The following TLN2 variants were observed in gnomAD, a reference collection of about 807,000 sequenced individuals.
TLN2 encodes talin-2.
In TLN2, 118 loss-of-function variants were observed where a neutral mutation model predicts 294.7. That is an observed-to-expected ratio of 0.40 (90% CI 0.34 to 0.47). TLN2 has a LOEUF of 0.47. TLN2 is among the 20% of genes least tolerant of loss of function. The pLI is 0.84. For synonymous variants in TLN2, 1,431 were observed against 1,304.5 expected, an observed-to-expected ratio of 1.10 and a Z score of -2.09; for missense variants, 3,083 against 3,282.2, an observed-to-expected ratio of 0.94 and a Z score of 1.48.
intron 43 of TLN2, 145 bp downstream of exon 43, chr15:62,777,055 T>C (rs1385185707): frequency 3.0e-6 from 2 of 677,100 alleles, no homozygotes; most frequent in Non-Finnish European, 4.3e-6. Flanking sequence ...TCCAGTCACA[T>C]GTCCAACATA....
chr15:62,750,483 A>G lies in TLN2; in HGVS notation c.4201A>G (p.Asn1401Asp). The part of the protein sequence containing the change: ...YFDCIESVME[N>D]SKVLGESMAG... ...TGACTGCATTGAGAGTGTGATGGAAAACTCCAAGGTAAGACTGCCTATGCC... is the reference window on the plus strand; with the variant it reads ...TGACTGCATTGAGAGTGTGATGGAAGACTCCAAGGTAAGACTGCCTATGCC... The change falls in exon 34 of 59, where the codon AAC becomes GAC. Residue 1401 changes from asparagine (N) to aspartate (D), a missense_variant. Coordinates refer to ENST00000636159, the MANE Select transcript of TLN2 (RefSeq NM_015059.3). The G allele has an allele frequency of 6.2e-7, 1 of 1,614,074 alleles. No homozygotes were observed. The highest frequency in any genetic ancestry group is 8.5e-7 in the Non-Finnish European group (1 of 1,179,914).
intron 3 of TLN2, among the ~76,000 whole-genome samples, chr15:62,643,405 A>ATTTTTTTTTTTTTTTTTTTTTTTTTT (rs571288380): frequency 1.1e-5 from 1 of 90,744 alleles, no homozygotes; most frequent in African/African-American, 5.4e-5. Flanking sequence ...TGGTTCCAGG[A>ATTTTTTTTTTTTTTTTTTTTTTTTTT]TTTTTTTTTT....
At chr15:62,666,235 G>A (rs1399351616) in intron 9 of TLN2, among the ~76,000 whole-genome samples, 1 of 152,290 alleles carries the variant, frequency 6.6e-6, no homozygotes, top group East Asian at 1.9e-4. Context: ...TGCTGCTGTG[G>A]TTTGAATGTG....
chr15:62,782,933 C>T (rs1407872575), intron 44 of TLN2, among the ~76,000 whole-genome samples: 1 of 152,156 alleles, frequency 6.6e-6, no homozygotes, highest in East Asian at 1.9e-4. Context: ...GACAGTGACA[C>T]CCGTCTGGGT....
intron 21 of TLN2, among the ~76,000 whole-genome samples, chr15:62,710,947 C>T (rs1028997968): frequency 4.0e-5 from 6 of 151,782 alleles, no homozygotes; most frequent in East Asian, 1.9e-4. Context: ...AGGATGGTCT[C>T]GATCTCCTGA....
At position 62,695,321 on chromosome 15, in the gene TLN2, G is replaced by A. The variant is rs112631744; in HGVS notation, c.1292+929G>A. ...CCAGGGGTCTCAGCCAAGGAGCAAC[G>A]CAGGAAGAAGTGGAAGGTCTAGCGA... On this transcript the variant is annotated intron_variant, in intron 14 of 58. Coordinates refer to ENST00000636159, the MANE Select transcript of TLN2 (RefSeq NM_015059.3). Among the ~76,000 whole-genome samples the A allele has an allele frequency of 2.9e-3, 442 of 152,240 alleles. 5 individuals carry two copies. Among genetic ancestry groups the A allele is most frequent in the African/African-American group, 8.6e-3 (356 of 41,528 alleles).
Position 62,406,300 on chromosome 15 carries a change from C to A in TLN2, c.-238+15615C>A, listed in dbSNP as rs1045181238. 2.0e-5 allele frequency among the ~76,000 whole-genome samples: 3 copies of A among 152,208 alleles called. No homozygotes were observed. In the East Asian group the frequency reaches 5.8e-4, roughly 29 times the overall value. ...GAAGGGCATCTTCTCCCCGTCTCTT[C>A]ATTGTTGTCCCTCTGATGCAGGGCA... is the stretch of plus-strand genomic sequence containing the variant. On this transcript the variant is annotated intron_variant, in intron 1 of 58. Transcript: ENST00000636159.
In TLN2 at chr15:62,796,241, G is replaced by C. The variant is rs1393632234; in HGVS notation, c.5998G>C (p.Ala2000Pro). 6.2e-7 allele frequency: 1 copy of C among 1,614,236 alleles called. No individual in the cohort carries two copies. Among genetic ancestry groups the C allele is most frequent in the Non-Finnish European group, 8.5e-7 (1 of 1,180,054 alleles). ...IADLDTTIMF[A>P]TAGTLNAENS... ...CGACCTGGACACCACCATTATGTTT[G>C]CAACAGCGGGGACGCTGAATGCAGA... Residue 2000 changes from alanine to proline, a missense_variant, in exon 47 of 59, where the codon GCA becomes CCA. Ala to Pro is a conservative substitution (Grantham distance 27). Coordinates refer to ENST00000636159, the MANE Select transcript of TLN2 (RefSeq NM_015059.3).
At chr15:62,499,130 T>A (rs1567033400) in intron 1 of TLN2, among the ~76,000 whole-genome samples, 1 of 152,222 alleles carries the variant, frequency 6.6e-6, no homozygotes, top group Non-Finnish European at 1.5e-5. Flanking sequence ...ATCTGTTCTT[T>A]CTGCTACCTG....
intron 52 of TLN2, 105 bp downstream of exon 52, chr15:62,810,137 T>C (rs2066580681): frequency 3.3e-6 from 3 of 907,872 alleles, no homozygotes; most frequent in Middle Eastern, 2.2e-4. Flanking sequence ...CAGAGCCCTG[T>C]CCATTGCCAC....
At chr15:62,622,592 AT>A (rs566056580) in intron 3 of TLN2, among the ~76,000 whole-genome samples, 3 of 152,112 alleles carry the variant, frequency 2.0e-5, no homozygotes, top group East Asian at 1.9e-4. Flanking sequence ...GGATTAAATA[AT>A]TTTTTTACAT....
Position 62,841,729 on chromosome 15 carries a change from AT to A in TLN2, c.*1124del, listed in dbSNP as rs2070725794. 6.6e-6 allele frequency: 1 copy of A among 152,026 alleles called. No individual in the cohort carries two copies. Among genetic ancestry groups the A allele is most frequent in the African/African-American group, 2.4e-5 (1 of 41,394 alleles). The allele number at this position is 152,026 out of a possible 1,614,324, so 9.4% of individuals were successfully genotyped here. A position where few individuals can be genotyped will look rare whatever the true frequency, so the allele number is the denominator to read the frequency against. ...GGATGTCACACTTCCAGAATTTCAT[AT>A]TTTTCCCCTCTTTTCTTTCCCCTTT... On this transcript the variant is annotated 3_prime_UTR_variant, in exon 59 of 59. Transcript: ENST00000636159.
intron 46 of TLN2, 103 bp from the exon 47 acceptor site, chr15:62,796,024 G>A: frequency 7.0e-7 from 1 of 1,438,180 alleles, no homozygotes; most frequent in Non-Finnish European, 9.4e-7. Flanking sequence ...TAACCTCTAA[G>A]CTACATCAAC....
chr15:62,813,961 C>A (rs111519106), intron 52 of TLN2, among the ~76,000 whole-genome samples: 5 of 151,994 alleles, frequency 3.3e-5, no homozygotes, highest in Non-Finnish European at 5.9e-5. Context: ...ATTACAGGCA[C>A]GAGCTACCAG....
chr15:62,672,262 C>T (rs2055522343), intron 9 of TLN2, among the ~76,000 whole-genome samples: 1 of 152,254 alleles, frequency 6.6e-6, no homozygotes, highest in Non-Finnish European at 1.5e-5. Context: ...GTTTCTTTCT[C>T]CTCATTTACA....
At chr15:62,679,106 A>C (rs943064598) in intron 11 of TLN2, among the ~76,000 whole-genome samples, 1 of 152,032 alleles carries the variant, frequency 6.6e-6, no homozygotes, top group Non-Finnish European at 1.5e-5. Context: ...ACTCGGAATC[A>C]AAAAGTCTGA....
intron 1 of TLN2, among the ~76,000 whole-genome samples, chr15:62,583,484 C>T (rs1315549026): frequency 6.6e-6 from 1 of 151,016 alleles, no homozygotes; most frequent in Non-Finnish European, 1.5e-5. Flanking sequence ...ACTCTTTTCT[C>T]CTCTCGCCCT....
intron 1 of TLN2, among the ~76,000 whole-genome samples, chr15:62,439,285 C>T (rs2035435647): frequency 6.6e-6 from 1 of 152,078 alleles, no homozygotes; most frequent in Non-Finnish European, 1.5e-5. Flanking sequence ...TAGATTGATC[C>T]TGGGATACAG....
intron 3 of TLN2, among the ~76,000 whole-genome samples, chr15:62,641,903 G>GA (rs1251043186): frequency 1.3e-5 from 2 of 152,196 alleles, no homozygotes; most frequent in Admixed American, 6.5e-5. Context: ...ATTTTGAAGA[G>GA]AAGGAGGCCT....
Sources: allele counts gnomAD v4.1 joint callset (sites outside exome capture counted in the v4.1 genomes callset), GRCh38; gene constraint gnomAD v4.1.1; transcripts MANE v1.5; gene names NCBI Gene and HGNC (gene_info 2026-07-23, HGNC 2026-07-21).